Variants in SAE1 observed in about 807,000 individuals in gnomAD.
SAE1 encodes SUMO-activating enzyme subunit 1.
SAE1 carries 11 observed loss-of-function variants against 40.6 expected under a neutral mutation model. That is an observed-to-expected ratio of 0.27 (90% CI 0.17 to 0.45). The LOEUF is 0.45. Among genes scored for constraint, SAE1 ranks in the 20% least tolerant of loss-of-function variants. SAE1 has a pLI of 1.00. For missense variants in SAE1, 373 were observed against 427.3 expected (o/e 0.87, Z 1.12); for synonymous variants, 155 against 154.3 (o/e 1.00, Z -0.03).
chr19:47,183,633 C>G (rs984861818), intron 6 of SAE1, among the ~76,000 whole-genome samples: 3 of 152,158 alleles, frequency 2.0e-5, no homozygotes, highest in Non-Finnish European at 4.4e-5. Flanking sequence ...GCCCACATCT[C>G]CCCCACTCCC....
chr19:47,142,464 T>C (rs1180250114), intron 1 of SAE1: 1 of 152,054 alleles, frequency 6.6e-6, no homozygotes, highest in South Asian at 2.1e-4. Context: ...TTGTGTGTTA[T>C]ACTTAACTAG....
chr19:47,172,957 AAGATC>A (rs1329531378), intron 6 of SAE1, among the ~76,000 whole-genome samples: 1 of 152,138 alleles, frequency 6.6e-6, no homozygotes, highest in East Asian at 1.9e-4. Flanking sequence ...TCAGTGGCTC[AAGATC>A]ACCCATCTAA....
intron 1 of SAE1, among the ~76,000 whole-genome samples, chr19:47,139,807 T>G (rs1430719487): frequency 6.7e-6 from 1 of 148,388 alleles, no homozygotes; most frequent in African/African-American, 2.5e-5. Context: ...TTTACCATGT[T>G]AGCCAGGATG....
intron 1 of SAE1, among the ~76,000 whole-genome samples, chr19:47,140,393 A>G (rs994030804): frequency 6.6e-6 from 1 of 151,966 alleles, no homozygotes; most frequent in African/African-American, 2.4e-5. Context: ...GGTGTGAGCC[A>G]CCGTGCCCAG....
Position 47,209,308 on chromosome 19 carries a change from T to G in SAE1, c.*57T>G, listed in dbSNP as rs765019403. Reference sequence around the variant, plus strand: ...CTGCAGCATGCCCACCTGTATTCCCTGTCCCCTTCCTTCATGAAGGCATCT... The same window carrying G: ...CTGCAGCATGCCCACCTGTATTCCCGGTCCCCTTCCTTCATGAAGGCATCT... On this transcript the variant is annotated 3_prime_UTR_variant, in exon 9 of 9. Coordinates refer to ENST00000270225, the MANE Select transcript of SAE1 (RefSeq NM_005500.3). The G allele has an allele frequency of 8.1e-6, 13 of 1,612,730 alleles. No homozygotes were observed. Among genetic ancestry groups the G allele is most frequent in the Non-Finnish European group, 1.1e-5 (13 of 1,179,356 alleles).
At chr19:47,158,697 C>T (rs2058338915) in intron 5 of SAE1, among the ~76,000 whole-genome samples, 2 of 152,186 alleles carry the variant, frequency 1.3e-5, no homozygotes, top group African/African-American at 4.8e-5. Flanking sequence ...AGAATGCCTA[C>T]TGTGTGCAAG....
chr19:47,207,430 G>A (rs936205204), intron 8 of SAE1, among the ~76,000 whole-genome samples: 1 of 152,116 alleles, frequency 6.6e-6, no homozygotes. Context: ...CCTGGGAACC[G>A]TTAAACCCTG....
At chr19:47,142,231 A>G (rs1015943397) in intron 1 of SAE1, among the ~76,000 whole-genome samples, 2 of 152,004 alleles carry the variant, frequency 1.3e-5, no homozygotes, top group Non-Finnish European at 2.9e-5. Flanking sequence ...CAAAAATACA[A>G]AAACTAGCCA....
intron 6 of SAE1, 37 bp downstream of exon 6, chr19:47,169,960 T>C: frequency 6.7e-7 from 1 of 1,493,802 alleles, no homozygotes; most frequent in Non-Finnish European, 9.3e-7. Context: ...CGGGAGAGCT[T>C]TTGGCTCTGA....
chr19:47,198,548 G>A (rs1003168394), intron 7 of SAE1, among the ~76,000 whole-genome samples: 2 of 152,170 alleles, frequency 1.3e-5, no homozygotes, highest in African/African-American at 4.8e-5. Context: ...AGTTTACTGA[G>A]CAGCTGTTAT....
At chr19:47,156,269 TAA>T (rs568932525) in intron 5 of SAE1, among the ~76,000 whole-genome samples, 33 of 132,810 alleles carry the variant, frequency 2.5e-4, no homozygotes, top group Non-Finnish European at 1.1e-4. Flanking sequence ...AGATCCTGTC[TAA>T]AAAAAAAAAA....
Position 47,130,878 on chromosome 19 carries a change from G to T in SAE1, c.-53G>T. On this transcript the variant is annotated 5_prime_UTR_variant, in exon 1 of 9. Transcript: ENST00000270225. ...GCGGCGGTAGGTGGCGCGCGGGTCC[G>T]GCGGGCGGTTGGCTTGAGCGGGACC... is the stretch of plus-strand genomic sequence containing the variant. 6.5e-7 allele frequency: 1 copy of T among 1,545,556 alleles called. No individual in the cohort carries two copies. The highest frequency in any genetic ancestry group is 8.7e-7 in the Non-Finnish European group (1 of 1,145,168).
At chr19:47,156,084 C>T (rs2058322755) in intron 5 of SAE1, among the ~76,000 whole-genome samples, 1 of 151,702 alleles carries the variant, frequency 6.6e-6, no homozygotes, top group Admixed American at 6.6e-5. Context: ...CCCTGGGTTA[C>T]AGTAGCAAGA....
At chr19:47,154,571 T>C (rs1488633938) in intron 4 of SAE1, among the ~76,000 whole-genome samples, 2 of 139,492 alleles carry the variant, frequency 1.4e-5, no homozygotes, top group African/African-American at 5.3e-5. Flanking sequence ...CTCAGCTCAT[T>C]GCAACCTCCT....
chr19:47,161,507 G>A (rs138107720), intron 5 of SAE1, among the ~76,000 whole-genome samples: 325 of 152,154 alleles, frequency 2.1e-3, no homozygotes, highest in Non-Finnish European at 4.1e-3. Context: ...AGAGCTGCTG[G>A]TACATTTGTG....
chr19:47,154,023 T>G (rs1173153575), intron 4 of SAE1, among the ~76,000 whole-genome samples: 1 of 151,912 alleles, frequency 6.6e-6, no homozygotes, highest in African/African-American at 2.4e-5. Flanking sequence ...ACTCCGGACC[T>G]CAGGTGATCC....
intron 7 of SAE1, among the ~76,000 whole-genome samples, chr19:47,198,505 C>T (rs1444225165): frequency 6.6e-6 from 1 of 152,130 alleles, no homozygotes; most frequent in African/African-American, 2.4e-5. Flanking sequence ...CTTTGCAGTG[C>T]CTCCAGCTTG....
chr19:47,184,502 C>T lies in SAE1; in HGVS notation c.734-12731C>T, dbSNP rs535299372. On this transcript the variant is annotated intron_variant, in intron 6 of 8. Transcript: ENST00000270225. ...TTTGGCTCATTGCAACCTCCACCTC[C>T]TGGGTTCAAGCGATTCTCCTGCCTC... Among the ~76,000 whole-genome samples the T allele has an allele frequency of 1.6e-3, 239 of 152,060 alleles. 2 individuals carry two copies. Among genetic ancestry groups the T allele is most frequent in the African/African-American group, 5.6e-3 (234 of 41,482 alleles).
chr19:47,159,743 G>T (rs112028400), intron 5 of SAE1, among the ~76,000 whole-genome samples: 1,983 of 152,026 alleles, frequency 0.013, 20 homozygotes, highest in Non-Finnish European at 0.02. Context: ...ACCCAGGCTG[G>T]AGTGCAGTGG....
Sources: gnomAD v4.1 joint callset for allele counts (sites outside exome capture counted in the v4.1 genomes callset) on GRCh38, gnomAD v4.1.1 for gene constraint, MANE v1.5 for transcripts, NCBI Gene and HGNC (gene_info 2026-07-23, HGNC 2026-07-21) for gene names.